Variants in ZNF280D observed in about 807,000 individuals in gnomAD.
ZNF280D encodes suppressor of hairy wing homolog 4.
In ZNF280D, 39 loss-of-function variants were observed where a neutral mutation model predicts 94.7. The observed-to-expected ratio is 0.41, with a 90% CI of 0.32 to 0.54. The LOEUF is 0.54. Ranked by LOEUF, ZNF280D falls within the 20% of genes least tolerant of loss-of-function variation. The probability of loss-of-function intolerance (pLI) is 0.22; values close to 1 mark genes in which losing one functional copy is unlikely to be tolerated. For synonymous variants in ZNF280D, 398 were observed against 377.6 expected, an observed-to-expected ratio of 1.05 and a Z score of -0.63; for missense variants, 1,090 against 1,149.3, an observed-to-expected ratio of 0.95 and a Z score of 0.75.
chr15:56,733,444 G>A lies in ZNF280D; in HGVS notation c.-86+14C>T, dbSNP rs1380159057. On this transcript the variant is annotated intron_variant, in intron 1 of 21. Transcript: ENST00000267807. The stretch of plus-strand genomic sequence containing the variant: ...GCTGCAGCGCAGGGCGGGCGGGGGC[G>A]GGGGGGCGCTTACCGTGAGCGGAGC... 1.9e-6 allele frequency: 2 copies of A among 1,054,196 alleles called. No homozygotes were observed. The highest frequency in any genetic ancestry group is 4.7e-4 in the Middle Eastern group (1 of 2,132). The allele number at this position is 1,054,196 out of a possible 1,614,324, so 65.3% of individuals were successfully genotyped here.
intron 9 of ZNF280D, among the ~76,000 whole-genome samples, chr15:56,684,226 T>C (rs1011088022): frequency 1.2e-4 from 19 of 152,188 alleles, no homozygotes; most frequent in African/African-American, 4.6e-4. Context: ...TGCTTCCTCC[T>C]AAAAGGAACT....
intron 1 of ZNF280D, among the ~76,000 whole-genome samples, chr15:56,720,242 G>A (rs1269257253): frequency 1.3e-5 from 2 of 152,106 alleles, no homozygotes; most frequent in Non-Finnish European, 2.9e-5. Flanking sequence ...TTTCAACAAT[G>A]TTTACAGCAT....
chr15:56,732,134 A>G (rs2058923082), intron 1 of ZNF280D, among the ~76,000 whole-genome samples: 1 of 152,176 alleles, frequency 6.6e-6, no homozygotes. Flanking sequence ...TGAGCACCGG[A>G]GAAGGAGTCA....
intron 3 of ZNF280D, among the ~76,000 whole-genome samples, chr15:56,705,541 T>C (rs748938454): frequency 2.2e-4 from 33 of 152,212 alleles, no homozygotes; most frequent in Non-Finnish European, 4.6e-4. Context: ...ACAAGTATGA[T>C]ATCTACCTAA....
intron 11 of ZNF280D, among the ~76,000 whole-genome samples, 159 bp from the exon 12 acceptor site, chr15:56,677,833 C>T (rs1249761505): frequency 6.6e-6 from 1 of 152,128 alleles, no homozygotes; most frequent in African/African-American, 2.4e-5. Flanking sequence ...TAAGCACTCA[C>T]ATTACCTCAC....
intron 13 of ZNF280D, among the ~76,000 whole-genome samples, chr15:56,669,285 G>A (rs765056192): frequency 7.2e-5 from 11 of 151,882 alleles, no homozygotes; most frequent in Admixed American, 2.0e-4. Flanking sequence ...GATGTACTAC[G>A]TTTTTATCCT....
chr15:56,668,506 T>A (rs1227835606), intron 14 of ZNF280D, among the ~76,000 whole-genome samples: 1 of 152,092 alleles, frequency 6.6e-6, no homozygotes, highest in African/African-American at 2.4e-5. Flanking sequence ...TCTTATAGTT[T>A]AGCAACTAAA....
chr15:56,653,861 G>A (rs2053360409), intron 19 of ZNF280D: 1 of 1,238,000 alleles, frequency 8.1e-7, no homozygotes, highest in Middle Eastern at 3.2e-4. Context: ...GTTAAGATAT[G>A]TCAACCTGAC....
chr15:56,659,401 T>C (rs1258997631), intron 16 of ZNF280D, among the ~76,000 whole-genome samples: 2 of 152,028 alleles, frequency 1.3e-5, no homozygotes, highest in Non-Finnish European at 1.5e-5. Flanking sequence ...GTTAACCACA[T>C]TTCACTTTCT....
Position 56,674,095 on chromosome 15 carries a change from G to C in ZNF280D, c.1410+2575C>G, listed in dbSNP as rs77732791. ...TATATGATACCTAAAGCAGCCCCTA[G>C]CACATACTAAGGCACTCAGTAAATA... On this transcript the variant is annotated intron_variant, in intron 13 of 21. Coordinates refer to ENST00000267807, the MANE Select transcript of ZNF280D (RefSeq NM_017661.4). Among the ~76,000 whole-genome samples the C allele has an allele frequency of 6.7e-3, 1,021 of 152,164 alleles. 12 individuals are homozygous for C. Among genetic ancestry groups the C allele is most frequent in the African/African-American group, 0.024 (983 of 41,542 alleles).
At chr15:56,673,108 C>T (rs1266997048) in intron 13 of ZNF280D, among the ~76,000 whole-genome samples, 1 of 152,022 alleles carries the variant, frequency 6.6e-6, no homozygotes, top group Non-Finnish European at 1.5e-5. Flanking sequence ...GAAATCTTTT[C>T]TCTATCTATA....
At chr15:56,717,582 A>G (rs2058111366) in intron 1 of ZNF280D, among the ~76,000 whole-genome samples, 1 of 152,040 alleles carries the variant, frequency 6.6e-6, no homozygotes, top group Non-Finnish European at 1.5e-5. Flanking sequence ...TATGATAAAT[A>G]TATAATTATA....
At position 56,630,870 on chromosome 15, in the gene ZNF280D, G is replaced by A. The variant is rs2052046170; in HGVS notation, c.*628C>T. The A allele has an allele frequency of 6.6e-6, 1 of 152,152 alleles. No homozygotes were observed. The highest frequency in any genetic ancestry group is 6.6e-5 in the Admixed American group (1 of 15,266). 9.4% of individuals were successfully genotyped at this position (152,152 alleles called of 1,614,324 possible). On this transcript the variant is annotated 3_prime_UTR_variant, in exon 22 of 22. Coordinates refer to ENST00000267807, the MANE Select transcript of ZNF280D (RefSeq NM_017661.4). Reference sequence around the variant, plus strand: ...CCTGGCAGGCTAACACTTGTATGGAGGTACAAAGATTCAAATATTCTGTTT... The same window carrying A: ...CCTGGCAGGCTAACACTTGTATGGAAGTACAAAGATTCAAATATTCTGTTT...
chr15:56,714,070 A>C (rs2057911602), intron 1 of ZNF280D, among the ~76,000 whole-genome samples: 2 of 152,226 alleles, frequency 1.3e-5, no homozygotes, highest in Admixed American at 1.3e-4. Context: ...ACCTTTAAGC[A>C]GATGAAATTT....
In ZNF280D at chr15:56,686,067, G is replaced by T. The variant is rs375853531; in HGVS notation, c.780+2974C>A. 2.0e-5 allele frequency among the ~76,000 whole-genome samples: 3 copies of T among 152,128 alleles called. No individual in the cohort carries two copies. The South Asian group carries it at 6.2e-4, about 32-fold the overall frequency. The stretch of plus-strand genomic sequence containing the variant: ...AGTCTAACATCAAAGTAGAATTTGG[G>T]CTAAAAGGCACTAACCATTAAAACC... On this transcript the variant is annotated intron_variant, in intron 9 of 21. Transcript: ENST00000267807.
chr15:56,694,234 G>C (rs569760261), intron 6 of ZNF280D, among the ~76,000 whole-genome samples: 58 of 146,190 alleles, frequency 4.0e-4, no homozygotes, highest in Non-Finnish European at 8.0e-4. Flanking sequence ...TGAAAAATAT[G>C]GTCAATATAA....
chr15:56,651,815 G>A (rs1332784994), intron 19 of ZNF280D, among the ~76,000 whole-genome samples: 2 of 151,974 alleles, frequency 1.3e-5, no homozygotes, highest in African/African-American at 4.8e-5. Flanking sequence ...TTCAATCCAT[G>A]GTTGGCTGAA....
chr15:56,643,406 G>T (rs1171386958), intron 19 of ZNF280D, among the ~76,000 whole-genome samples: 1 of 151,438 alleles, frequency 6.6e-6, no homozygotes, highest in Non-Finnish European at 1.5e-5. Flanking sequence ...CAGGACTTAA[G>T]TGAAAAAAGA....
At chr15:56,644,735 T>A (rs1259048777) in intron 19 of ZNF280D, among the ~76,000 whole-genome samples, 3 of 152,148 alleles carry the variant, frequency 2.0e-5, no homozygotes, top group African/African-American at 7.2e-5. Flanking sequence ...GTATGTTCAT[T>A]ATTGCTGGCA....
Sources: gnomAD v4.1 joint callset for allele counts (sites outside exome capture counted in the v4.1 genomes callset) on GRCh38, gnomAD v4.1.1 for gene constraint, MANE v1.5 for transcripts, NCBI Gene and HGNC (gene_info 2026-07-23, HGNC 2026-07-21) for gene names.